BCO1: variants seen among roughly 807,000 people sequenced by gnomAD.
BCO1 encodes beta-carotene oxygenase 1.
A neutral mutation model predicts 56.3 loss-of-function variants in BCO1; 54 were observed. The ratio of observed to expected loss-of-function variants is 0.96; its 90% CI spans 0.77 to 1.20. The LOEUF is 1.20. BCO1 is among the 50% of genes most tolerant of loss of function. The probability of loss-of-function intolerance (pLI) is 0.00; values close to 1 mark genes in which losing one functional copy is unlikely to be tolerated. For synonymous variants in BCO1, 318 were observed against 266.1 expected, an observed-to-expected ratio of 1.20 and a Z score of -1.90; for missense variants, 801 against 690.9, an observed-to-expected ratio of 1.16 and a Z score of -1.79.
At position 81,245,427 on chromosome 16, in the gene BCO1, T is replaced by G. The variant is rs780663302; in HGVS notation, c.65-48T>G. ...TTCCATGACCATTTCTTCCAGCATT[T>G]TGGTTTGCAGGTGGAAACGGGAAAC... On this transcript the variant is annotated intron_variant, in intron 1 of 10. Coordinates refer to ENST00000258168, the MANE Select transcript of BCO1 (RefSeq NM_017429.3). 8 of 1,613,936 alleles carry G rather than the reference T, an allele frequency of 5.0e-6. No individual in the cohort carries two copies. The African/African-American group carries it at 9.3e-5, about 19-fold the overall frequency.
rs142153865 is a variant in BCO1, at chr16:81,279,472, A to G, written c.1102-1385A>G. ...GTAGTAGTAGTATGGTAATAATAGT[A>G]ATAATAATATAACAACGTCATCAAT... is the stretch of plus-strand genomic sequence containing the variant. On this transcript the variant is annotated intron_variant, in intron 7 of 10. Coordinates refer to ENST00000258168, the MANE Select transcript of BCO1 (RefSeq NM_017429.3). 2.6e-5 allele frequency among the ~76,000 whole-genome samples: 4 copies of G among 152,370 alleles called. No individual in the cohort carries two copies. The East Asian group carries it at 7.7e-4, about 29-fold the overall frequency.
chr16:81,256,365 G>A (rs569440645), intron 2 of BCO1, among the ~76,000 whole-genome samples: 10 of 152,054 alleles, frequency 6.6e-5, no homozygotes, highest in Non-Finnish European at 1.2e-4. Flanking sequence ...TATGATGGGC[G>A]TTTCTGAGGT....
At chr16:81,280,511 A>G (rs1195679906) in intron 7 of BCO1, among the ~76,000 whole-genome samples, 2 of 152,102 alleles carry the variant, frequency 1.3e-5, no homozygotes, top group Non-Finnish European at 2.9e-5. Context: ...TTAACGACTG[A>G]TGCAGCTTTT....
chr16:81,287,622 G>A (rs973744653), intron 10 of BCO1, among the ~76,000 whole-genome samples: 6 of 152,186 alleles, frequency 3.9e-5, no homozygotes, highest in African/African-American at 1.2e-4. Context: ...GGGTCCCCAA[G>A]ATAGCCTTCA....
In BCO1 at chr16:81,260,965, T is replaced by C. The variant is rs548948069; in HGVS notation, c.323+1160T>C. On this transcript the variant is annotated intron_variant, in intron 3 of 10. Coordinates refer to ENST00000258168, the MANE Select transcript of BCO1 (RefSeq NM_017429.3). ...GTTATGAAAGAGTTGAAGGGTGGAC[T>C]GGCCCAGAGATGGAAGATTGCTTCT... Among the ~76,000 whole-genome samples, 9 of 152,366 alleles carry C rather than the reference T, an allele frequency of 5.9e-5. No individual in the cohort carries two copies. In the East Asian group the frequency reaches 9.6e-4, roughly 16 times the overall value.
Position 81,264,713 on chromosome 16 carries a change from T to A in BCO1, c.545T>A (p.Leu182Gln). 1 of 1,614,220 alleles carries A rather than the reference T, an allele frequency of 6.2e-7. No homozygotes were observed. Among genetic ancestry groups the A allele is most frequent in the Non-Finnish European group, 8.5e-7 (1 of 1,180,018 alleles). ...HPHYDEAGNV[L>Q]NMGTSIVEKG... Reference sequence around the variant, plus strand: ...CATTATGATGAGGCTGGAAATGTTCTAAACATGGGCACATCCATTGTGGAA... The same window carrying A: ...CATTATGATGAGGCTGGAAATGTTCAAAACATGGGCACATCCATTGTGGAA... Residue 182 changes from leucine (L) to glutamine (Q), a missense_variant, in exon 5 of 11, where the codon CTA (leucine) becomes CAA (glutamine). Leu to Gln is a moderately radical substitution (Grantham distance 113). Transcript: ENST00000258168.
At position 81,270,412 on chromosome 16, in the gene BCO1, A is replaced by T; in HGVS notation, c.1097A>T (p.Asp366Val). The stretch of plus-strand genomic sequence containing the variant: ...AGGTTTGCCGTGCCCCTCCACGTGG[A>T]CAAGGTAATGGCTTCCAAGGAGGTC... ...LRRFAVPLHV[D>V]KNAEVGTNLI... Residue 366 changes from aspartate to valine, a missense_variant, in exon 7 of 11, where the codon GAC (aspartate) becomes GTC (valine). Asp to Val is a radical substitution (Grantham distance 152). Coordinates refer to ENST00000258168, the MANE Select transcript of BCO1 (RefSeq NM_017429.3). The T allele has an allele frequency of 1.9e-6, 3 of 1,614,090 alleles. No homozygotes were observed. The highest frequency in any genetic ancestry group is 2.5e-6 in the Non-Finnish European group (3 of 1,180,004).
chr16:81,277,431 C>T (rs1361392987), intron 7 of BCO1, among the ~76,000 whole-genome samples: 2 of 152,234 alleles, frequency 1.3e-5, no homozygotes, highest in Non-Finnish European at 2.9e-5. Flanking sequence ...GCCTGTCTGC[C>T]TGCACGATGT....
Position 81,259,743 on chromosome 16 carries a change from G to C in BCO1, c.261G>C (p.Arg87Ser). The part of the protein sequence containing the change: ...DTYNTNIEAN[R>S]IVVSEFGTMA... ...ACAACACCAATATTGAGGCAAACAG[G>C]ATTGTGGTGTCTGAGTTTGGAACAA... Residue 87 changes from arginine to serine, a missense_variant, in exon 3 of 11, where the codon AGG becomes AGC. Physicochemically the swap from Arg to Ser is moderately radical, Grantham distance 110 (BLOSUM62 -1). Transcript: ENST00000258168. 6.2e-7 allele frequency: 1 copy of C among 1,614,210 alleles called. No homozygotes were observed.
chr16:81,270,485 C>G (rs1419811908), intron 7 of BCO1, 69 bp downstream of exon 7: 1 of 1,595,866 alleles, frequency 6.3e-7, no homozygotes, highest in Non-Finnish European at 8.6e-7. Context: ...GTTACTTTGG[C>G]CCTTATTTGA....
intron 2 of BCO1, among the ~76,000 whole-genome samples, chr16:81,250,684 G>T (rs779290938): frequency 6.7e-6 from 1 of 148,532 alleles, no homozygotes; most frequent in Non-Finnish European, 1.5e-5. Flanking sequence ...AGGTTCAAGC[G>T]ATTCTCGTGC....
At chr16:81,269,849 A>G (rs988870859) in intron 6 of BCO1, among the ~76,000 whole-genome samples, 1 of 152,204 alleles carries the variant, frequency 6.6e-6, no homozygotes, top group Non-Finnish European at 1.5e-5. Context: ...ATGTCAGGAC[A>G]ATGGAACAAG....
rs369482688 is a variant in BCO1 at position 81,256,807 on chromosome 16, G to A, written c.194-2869G>A. On this transcript the variant is annotated intron_variant, in intron 2 of 10. Coordinates refer to ENST00000258168, the MANE Select transcript of BCO1 (RefSeq NM_017429.3). ...GGAAGCTGAGGCAGGAGAATCGTTC[G>A]AACCTGAGACGTGGAGGTTACAGTG... 1.9e-4 allele frequency among the ~76,000 whole-genome samples: 29 copies of A among 152,066 alleles called. No homozygotes were observed. The East Asian group carries it at 2.1e-3, about 11-fold the overall frequency.
Position 81,259,754 on chromosome 16 carries a change from C to G in BCO1, c.272C>G (p.Ser91Cys). 2 of 1,614,222 alleles carry G rather than the reference C, an allele frequency of 1.2e-6. No homozygotes were observed. The highest frequency in any genetic ancestry group is 1.7e-6 in the Non-Finnish European group (2 of 1,180,026). ...ATTGAGGCAAACAGGATTGTGGTGT[C>G]TGAGTTTGGAACAATGGCCTATCCG... ...TNIEANRIVV[S>C]EFGTMAYPDP... The change falls in exon 3 of 11, where the codon TCT becomes TGT. Residue 91 changes from serine (S) to cysteine (C), a missense_variant. Coordinates refer to ENST00000258168, the MANE Select transcript of BCO1 (RefSeq NM_017429.3).
chr16:81,284,472 G>C (rs1011137942), intron 8 of BCO1, among the ~76,000 whole-genome samples: 14 of 151,940 alleles, frequency 9.2e-5, no homozygotes, highest in East Asian at 1.9e-4. Context: ...TAACCTAGCG[G>C]AGATACAATA....
chr16:81,274,715 T>A (rs1357107345), intron 7 of BCO1, among the ~76,000 whole-genome samples: 2 of 152,076 alleles, frequency 1.3e-5, no homozygotes, highest in Non-Finnish European at 2.9e-5. Context: ...CTGTCTCTGC[T>A]AAAAATGTAA....
At chr16:81,266,121 GC>G (rs1906813123) in intron 5 of BCO1, among the ~76,000 whole-genome samples, 1 of 152,096 alleles carries the variant, frequency 6.6e-6, no homozygotes, top group South Asian at 2.1e-4. Context: ...TTCATTCCTA[GC>G]CCCTGCAGCC....
At chr16:81,250,683 C>T (rs1470235593) in intron 2 of BCO1, among the ~76,000 whole-genome samples, 2 of 147,678 alleles carry the variant, frequency 1.4e-5, no homozygotes, top group African/African-American at 2.5e-5. Context: ...CAGGTTCAAG[C>T]GATTCTCGTG....
chr16:81,290,889 C>A lies in BCO1; in HGVS notation c.*312C>A. ...CAGAGATTGTATTCAATGACATTAT[C>A]ATCATTTTTAGAACGAGCCACTAAC... On this transcript the variant is annotated 3_prime_UTR_variant, in exon 11 of 11. Coordinates refer to ENST00000258168, the MANE Select transcript of BCO1 (RefSeq NM_017429.3). The A allele has an allele frequency of 3.6e-6, 1 of 279,420 alleles. No individual in the cohort carries two copies. The highest frequency in any genetic ancestry group is 6.8e-6 in the Non-Finnish European group (1 of 147,896). 17.3% of individuals were successfully genotyped at this position (279,420 alleles called of 1,614,324 possible). A position where few individuals can be genotyped will look rare whatever the true frequency, so the allele number is the denominator to read the frequency against.
Sources: allele counts gnomAD v4.1 joint callset (sites outside exome capture counted in the v4.1 genomes callset), GRCh38; gene constraint gnomAD v4.1.1; transcripts MANE v1.5; gene names NCBI Gene and HGNC (gene_info 2026-07-23, HGNC 2026-07-21).